Variants in TIAM1 observed in about 807,000 individuals in gnomAD.
The protein encoded by TIAM1 is rho guanine nucleotide exchange factor TIAM1.
Under a neutral mutation model 163.5 loss-of-function variants are expected in TIAM1, and 65 were observed. That is an observed-to-expected ratio of 0.40 (90% CI 0.33 to 0.49). TIAM1 has a LOEUF of 0.49. TIAM1 is among the 20% of genes least tolerant of loss of function. The probability of loss-of-function intolerance (pLI) is 0.77; values close to 1 mark genes in which losing one functional copy is unlikely to be tolerated. For synonymous variants in TIAM1, 833 were observed against 810.1 expected (o/e 1.03, Z -0.48); for missense variants, 1,789 against 2,044.7 (o/e 0.87, Z 2.41).
chr21:31,302,731 G>A (rs2074551906), intron 2 of TIAM1, among the ~76,000 whole-genome samples: 1 of 152,144 alleles, frequency 6.6e-6, no homozygotes, highest in Non-Finnish European at 1.5e-5. Context: ...AGAAAAAGAT[G>A]AATTATTTCA....
At position 31,256,865 on chromosome 21, in the gene TIAM1, T is replaced by C. The variant is rs74888516; in HGVS notation, c.964-4676A>G. On this transcript the variant is annotated intron_variant, in intron 4 of 27. Transcript: ENST00000541036. The stretch of plus-strand genomic sequence containing the variant: ...GTCTTAAACTGAGCCCAGCACATAG[T>C]ACCTGCTCAAAAATGTTAACTATAA... Among the ~76,000 whole-genome samples the C allele has an allele frequency of 7.6e-3, 1,163 of 152,278 alleles. 14 individuals are homozygous for C. Among genetic ancestry groups the C allele is most frequent in the African/African-American group, 0.026 (1,096 of 41,540 alleles).
chr21:31,368,782 A>G (rs934833954), intron 2 of TIAM1, among the ~76,000 whole-genome samples: 1 of 152,238 alleles, frequency 6.6e-6, no homozygotes, highest in Non-Finnish European at 1.5e-5. Context: ...CAAAACTGGT[A>G]AAATACAAGC....
chr21:31,483,854 G>A (rs1265958524), intron 1 of TIAM1, among the ~76,000 whole-genome samples: 2 of 152,014 alleles, frequency 1.3e-5, no homozygotes, highest in African/African-American at 4.8e-5. Context: ...TGGAAAAAGG[G>A]ACTGAACCAA....
chr21:31,248,982 T>C (rs1158690650), intron 5 of TIAM1, among the ~76,000 whole-genome samples: 1 of 152,090 alleles, frequency 6.6e-6, no homozygotes, highest in East Asian at 1.9e-4. Context: ...AAAAGCCAAC[T>C]AATCATTTTT....
At chr21:31,336,892 G>C (rs1298340172) in intron 2 of TIAM1, among the ~76,000 whole-genome samples, 1 of 152,270 alleles carries the variant, frequency 6.6e-6, no homozygotes, top group East Asian at 1.9e-4. Flanking sequence ...CAGGACTCAG[G>C]AAAGCTGACT....
intron 2 of TIAM1, among the ~76,000 whole-genome samples, chr21:31,305,792 C>T (rs1569194003): frequency 6.6e-6 from 1 of 152,112 alleles, no homozygotes; most frequent in Non-Finnish European, 1.5e-5. Context: ...AACAATTCTC[C>T]CTAAAACCTC....
intron 2 of TIAM1, among the ~76,000 whole-genome samples, chr21:31,300,964 T>A (rs2074473726): frequency 6.6e-6 from 1 of 152,310 alleles, no homozygotes; most frequent in South Asian, 2.1e-4. Flanking sequence ...TGCTGCTAAG[T>A]TGACTCAAGA....
At chr21:31,546,556 A>AAAAAG (rs373560509) in intron 1 of TIAM1, among the ~76,000 whole-genome samples, 1 of 143,306 alleles carries the variant, frequency 7.0e-6, no homozygotes, top group Non-Finnish European at 1.5e-5. Flanking sequence ...TCTCAAAAAA[A>AAAAAG]AAAGAAAGAA....
intron 11 of TIAM1, among the ~76,000 whole-genome samples, chr21:31,207,806 T>C (rs890639757): frequency 1.3e-5 from 2 of 152,206 alleles, no homozygotes; most frequent in Admixed American, 1.3e-4. Flanking sequence ...GCCAGGCTGC[T>C]CTCGAACTCC....
At chr21:31,453,504 A>G (rs1424856657) in intron 2 of TIAM1, among the ~76,000 whole-genome samples, 1 of 151,566 alleles carries the variant, frequency 6.6e-6, no homozygotes, top group Non-Finnish European at 1.5e-5. Flanking sequence ...GACCAGCCTG[A>G]CCAACATGGC....
intron 1 of TIAM1, among the ~76,000 whole-genome samples, chr21:31,499,428 G>A (rs2046774381): frequency 1.3e-5 from 2 of 152,028 alleles, no homozygotes; most frequent in African/African-American, 4.8e-5. Context: ...AGGCATGGCA[G>A]TACACGCTGC....
At position 31,130,290 on chromosome 21, in the gene TIAM1, T is replaced by G. The variant is rs941355478; in HGVS notation, c.3968A>C (p.Tyr1323Ser). The G allele has an allele frequency of 1.9e-6, 3 of 1,613,898 alleles. No individual in the cohort carries two copies. Among genetic ancestry groups the G allele is most frequent in the Non-Finnish European group, 2.5e-6 (3 of 1,179,982 alleles). The change falls in exon 25 of 28, where the codon TAT (tyrosine) becomes TCT (serine). Residue 1323 changes from tyrosine (Y) to serine (S), a missense_variant. Tyr to Ser is a moderately radical substitution (Grantham distance 144). Around this residue, in one of 5 missense-constraint regions of TIAM1, gnomAD observed 415 missense variants for 439.2 expected, o/e 0.94. Transcript: ENST00000541036. ...KLVGSHRLSI[Y>S]EDWDPFRFRH... ...AAATCTGAAGGGGTCCCAGTCCTCA[T>G]AAATGGAAAGCCTGTGAGATCCTAC...
chr21:31,136,268 A>C (rs1270704045), intron 22 of TIAM1, among the ~76,000 whole-genome samples: 5 of 152,194 alleles, frequency 3.3e-5, no homozygotes, highest in Admixed American at 3.3e-4. Flanking sequence ...AATATATAAA[A>C]TTTTTACTTG....
intron 2 of TIAM1, among the ~76,000 whole-genome samples, chr21:31,422,630 C>T (rs2043618107): frequency 6.6e-6 from 1 of 152,098 alleles, no homozygotes; most frequent in African/African-American, 2.4e-5. Context: ...ACCAGATGAC[C>T]CCTTGATGCC....
chr21:31,363,753 C>T (rs1446583726), intron 2 of TIAM1, among the ~76,000 whole-genome samples: 4 of 152,126 alleles, frequency 2.6e-5, no homozygotes, highest in Admixed American at 6.5e-5. Flanking sequence ...CAGCTGCAGA[C>T]GCTTTGCTAG....
At chr21:31,209,125 T>C (rs898021295) in intron 11 of TIAM1, among the ~76,000 whole-genome samples, 1 of 152,102 alleles carries the variant, frequency 6.6e-6, no homozygotes, top group Non-Finnish European at 1.5e-5. Context: ...CAGACGTGGG[T>C]TCAGTCTCTC....
chr21:31,294,004 T>C (rs899114980), intron 2 of TIAM1, among the ~76,000 whole-genome samples: 4 of 152,186 alleles, frequency 2.6e-5, no homozygotes, highest in Non-Finnish European at 2.9e-5. Context: ...AGCTACCCTG[T>C]TGGTGTTATT....
chr21:31,325,020 CT>C (rs2075437076), intron 2 of TIAM1, among the ~76,000 whole-genome samples: 1 of 152,034 alleles, frequency 6.6e-6, no homozygotes, highest in South Asian at 2.1e-4. Context: ...TGGCTCACAC[CT>C]GTAATCCCAG....
rs373325584 is a variant in TIAM1 at position 31,127,136 on chromosome 21, G to A, written c.4062C>T (p.Ala1354=). ...ALASADAEAN[A]VCEIVHVKSE... is the part of the protein sequence containing the mutation. Reference sequence around the variant, plus strand: ...ATTTTACATGGACAATTTCACACACGGCATTTGCCTCTGCATCTAAAGAAA... The same window carrying A: ...ATTTTACATGGACAATTTCACACACAGCATTTGCCTCTGCATCTAAAGAAA... The change falls in exon 26 of 28, where the codon GCC becomes GCT. Residue 1354 remains alanine, a synonymous_variant. Coordinates refer to ENST00000541036, the MANE Select transcript of TIAM1 (RefSeq NM_001353694.2). 1.4e-5 allele frequency: 22 copies of A among 1,613,736 alleles called. No homozygotes were observed. Among genetic ancestry groups the A allele is most frequent in the Admixed American group, 1.3e-4 (8 of 60,006 alleles).
Sources: allele counts gnomAD v4.1 joint callset (sites outside exome capture counted in the v4.1 genomes callset), GRCh38; gene constraint gnomAD v4.1.1; regional missense constraint gnomAD v4.1.1; transcripts MANE v1.5; gene names NCBI Gene and HGNC (gene_info 2026-07-23, HGNC 2026-07-21).